The following TNR variants were observed in gnomAD, a reference collection of about 807,000 sequenced individuals.
The protein encoded by TNR is tenascin R, also known as tenascin-R.
Under a neutral mutation model 150.4 loss-of-function variants are expected in TNR, and 45 were observed. The observed-to-expected ratio is 0.30, with a 90% CI of 0.24 to 0.38. The LOEUF (loss-of-function observed/expected upper bound fraction) is 0.38. TNR is among the 10% of genes least tolerant of loss of function. The pLI, the probability that TNR is intolerant of heterozygous loss-of-function variation, is 1.00. For synonymous variants in TNR, 687 were observed against 678.4 expected, an observed-to-expected ratio of 1.01 and a Z score of -0.20; for missense variants, 1,544 against 1,759.1, an observed-to-expected ratio of 0.88 and a Z score of 2.19.
At chr1:175,359,139 C>CTTTTTTTT (rs758610631) in intron 15 of TNR, among the ~76,000 whole-genome samples, 3,647 of 42,034 alleles carry the variant, frequency 0.087, 1,128 homozygotes, top group East Asian at 0.15. Flanking sequence ...GGGATATCTT[C>CTTTTTTTT]TTTTTTTTTT....
At chr1:175,474,347 A>G (rs989522875) in intron 2 of TNR, among the ~76,000 whole-genome samples, 1 of 152,198 alleles carries the variant, frequency 6.6e-6, no homozygotes, top group Non-Finnish European at 1.5e-5. Context: ...AGAGGAGATC[A>G]GGGCATCCAG....
At chr1:175,336,540 G>T (rs958200610) in intron 19 of TNR, among the ~76,000 whole-genome samples, 2 of 152,248 alleles carry the variant, frequency 1.3e-5, no homozygotes, top group Non-Finnish European at 2.9e-5. Context: ...CTAATGTTGG[G>T]CTGCTTTAGG....
At chr1:175,639,445 C>A (rs1227560969) in intron 1 of TNR, among the ~76,000 whole-genome samples, 1 of 152,200 alleles carries the variant, frequency 6.6e-6, no homozygotes, top group Non-Finnish European at 1.5e-5. Context: ...GCTGAGTGCT[C>A]TCACTGAGGT....
chr1:175,576,711 T>C (rs1662124143), intron 1 of TNR, among the ~76,000 whole-genome samples: 1 of 152,248 alleles, frequency 6.6e-6, no homozygotes, highest in Non-Finnish European at 1.5e-5. Context: ...TTAGAATATC[T>C]GTATACATCC....
chr1:175,365,279 C>T lies in TNR; in HGVS notation c.2318G>A (p.Gly773Asp), dbSNP rs759477766. ...GTGCAGATGAGAGATGGGACGGAAG[C>T]CTGCAAAGCAAAGGAGATGGATGGT... is the stretch of plus-strand genomic sequence containing the variant. The part of the protein sequence containing the change: ...SLESTVDAFT[G>D]FRPISHLHFS... The change falls in exon 12 of 23, where the codon GGC (glycine) becomes GAC (aspartate). Residue 773 changes from glycine to aspartate, a missense_variant and splice_region_variant. Physicochemically the swap from Gly to Asp is moderately conservative, Grantham distance 94. This residue lies in a region of TNR where 1,254 missense variants were observed against 1,329.4 expected (regional missense o/e 0.94). Coordinates refer to ENST00000367674, the MANE Select transcript of TNR (RefSeq NM_003285.3). 6.3e-7 allele frequency: 1 copy of T among 1,598,184 alleles called. No homozygotes were observed. Among genetic ancestry groups the T allele is most frequent in the Non-Finnish European group, 8.5e-7 (1 of 1,170,018 alleles).
At chr1:175,725,281 T>C (rs1198378319) in intron 1 of TNR, among the ~76,000 whole-genome samples, 1 of 152,200 alleles carries the variant, frequency 6.6e-6, no homozygotes, top group Non-Finnish European at 1.5e-5. Flanking sequence ...TCTCTAGAAC[T>C]AGAATATCCA....
intron 1 of TNR, among the ~76,000 whole-genome samples, chr1:175,540,226 G>A (rs1034611794): frequency 1.3e-5 from 2 of 152,156 alleles, no homozygotes; most frequent in Admixed American, 6.5e-5. Context: ...GAGGCTCCAT[G>A]TGACCCTGCA....
chr1:175,588,746 C>A (rs1291933447), intron 1 of TNR, among the ~76,000 whole-genome samples: 2 of 152,136 alleles, frequency 1.3e-5, no homozygotes, highest in African/African-American at 2.4e-5. Context: ...ATAACCCTCT[C>A]TTTTTACACA....
intron 2 of TNR, among the ~76,000 whole-genome samples, chr1:175,494,092 G>A (rs1379769872): frequency 1.3e-5 from 2 of 151,930 alleles, no homozygotes; most frequent in Admixed American, 6.5e-5. Flanking sequence ...CTCCTTTCCC[G>A]GATTCCTCCC....
chr1:175,497,561 T>C (rs549317262), intron 2 of TNR, among the ~76,000 whole-genome samples: 1 of 152,328 alleles, frequency 6.6e-6, no homozygotes, highest in African/African-American at 2.4e-5. Context: ...CTTCTGAGCC[T>C]GGATCCTAAT....
At chr1:175,582,245 A>G (rs1243906501) in intron 1 of TNR, among the ~76,000 whole-genome samples, 1 of 152,236 alleles carries the variant, frequency 6.6e-6, no homozygotes, top group Non-Finnish European at 1.5e-5. Flanking sequence ...ACCAAGACTT[A>G]GAGTATTGTT....
At chr1:175,464,960 A>G (rs1003930727) in intron 2 of TNR, among the ~76,000 whole-genome samples, 35 of 152,150 alleles carry the variant, frequency 2.3e-4, no homozygotes, top group Non-Finnish European at 1.2e-4. Flanking sequence ...ACAGGCACTC[A>G]TCCTGCCCTG....
intron 2 of TNR, among the ~76,000 whole-genome samples, chr1:175,446,633 T>C (rs1225057599): frequency 1.3e-5 from 2 of 152,192 alleles, no homozygotes; most frequent in Non-Finnish European, 2.9e-5. Flanking sequence ...TTCCTTTTGT[T>C]ATCAATATTT....
intron 2 of TNR, among the ~76,000 whole-genome samples, chr1:175,498,487 A>T (rs1286443534): frequency 6.6e-6 from 1 of 152,246 alleles, no homozygotes; most frequent in Admixed American, 6.5e-5. Flanking sequence ...CTGTCTGCTG[A>T]TGAGAATACC....
At chr1:175,624,676 G>A (rs533340152) in intron 1 of TNR, among the ~76,000 whole-genome samples, 1 of 152,310 alleles carries the variant, frequency 6.6e-6, no homozygotes, top group East Asian at 1.9e-4. Context: ...CTCCAGAACT[G>A]TCAGACAATA....
At chr1:175,568,405 C>G (rs2205833) in intron 1 of TNR, among the ~76,000 whole-genome samples, 23,459 of 151,948 alleles carry the variant, frequency 0.15, 2,278 homozygotes, top group African/African-American at 0.27. Flanking sequence ...TGTGGGCATT[C>G]CTCGGCAATC....
chr1:175,446,478 C>G (rs111504784), intron 2 of TNR, among the ~76,000 whole-genome samples: 147 of 152,176 alleles, frequency 9.7e-4, no homozygotes, highest in African/African-American at 3.1e-3. Flanking sequence ...ATTTATGGCT[C>G]TCATCTTTTT....
intron 1 of TNR, among the ~76,000 whole-genome samples, chr1:175,601,042 T>C (rs896563983): frequency 6.6e-6 from 1 of 152,232 alleles, no homozygotes; most frequent in Non-Finnish European, 1.5e-5. Flanking sequence ...ATAACAGAAA[T>C]GATATTGTAG....
intron 2 of TNR, among the ~76,000 whole-genome samples, chr1:175,445,536 A>G (rs2102086503): frequency 6.6e-6 from 1 of 152,350 alleles, no homozygotes; most frequent in East Asian, 1.9e-4. Context: ...AGCTGCAGTC[A>G]TCTGTGCTGC....
Sources: allele counts gnomAD v4.1 joint callset (sites outside exome capture counted in the v4.1 genomes callset), GRCh38; gene constraint gnomAD v4.1.1; regional missense constraint gnomAD v4.1.1; transcripts MANE v1.5; gene names NCBI Gene and HGNC (gene_info 2026-07-23, HGNC 2026-07-21).